Variants in DCAF8L2 observed in about 807,000 individuals in gnomAD.
DCAF8L2 encodes the protein DDB1- and CUL4-associated factor 8-like protein 2.
For synonymous variants in DCAF8L2, 200 were observed against 190.9 expected, an observed-to-expected ratio of 1.05 and a Z score of -0.39; for missense variants, 430 against 490.7, an observed-to-expected ratio of 0.88 and a Z score of 1.17.
the DCAF8L2 span, among the ~76,000 whole-genome samples, chrX:27,569,643 A>G: frequency 1.8e-5 from 2 of 112,054 alleles, no homozygotes; most frequent in African/African-American, 6.5e-5. Context: ...ATCTAATTTA[A>G]AATAATGTAG....
chrX:27,518,424 G>A, the DCAF8L2 span: 4 of 593,966 alleles, frequency 6.7e-6, no homozygotes, highest in Admixed American at 9.7e-5. Flanking sequence ...AGAAATATAT[G>A]GTGTCAACTA....
At chrX:27,566,768 G>C in the DCAF8L2 span, among the ~76,000 whole-genome samples, 2 of 109,049 alleles carry the variant, frequency 1.8e-5, no homozygotes, top group Middle Eastern at 4.8e-3. Flanking sequence ...GCTAACTTTG[G>C]ACTTAGGTTG....
At chrX:27,586,564 C>T (rs892766116), upstream of DCAF8L2, among the ~76,000 whole-genome samples, 2 of 111,374 alleles carry the variant, frequency 1.8e-5, no homozygotes, top group African/African-American at 6.5e-5. Flanking sequence ...ATTCTCACAT[C>T]CTGGCTCACT....
chrX:27,571,018 C>G, the DCAF8L2 span, among the ~76,000 whole-genome samples: 2 of 111,783 alleles, frequency 1.8e-5, no homozygotes, highest in African/African-American at 6.5e-5. Context: ...GCTCCTACCT[C>G]TCTCTTATCC....
At chrX:27,677,941 G>C (rs1930196880) in intron 3 of DCAF8L2, 29 bp downstream of exon 3, 1 of 111,774 alleles carries the variant, frequency 8.9e-6, no homozygotes, top group Admixed American at 9.5e-5. Flanking sequence ...AAATCTGTTA[G>C]GAGGTTGTTA....
chrX:27,548,965 A>T, the DCAF8L2 span, among the ~76,000 whole-genome samples: 2 of 111,440 alleles, frequency 1.8e-5, no homozygotes, highest in Non-Finnish European at 3.8e-5. Flanking sequence ...TATTTCTTTT[A>T]CACTATATAT....
intron 1 of DCAF8L2, among the ~76,000 whole-genome samples, chrX:27,594,667 T>C (rs1416030791): frequency 8.9e-6 from 1 of 111,852 alleles, no homozygotes; most frequent in Non-Finnish European, 1.9e-5. Flanking sequence ...TAATATTTGC[T>C]AAAAAATTTC....
chrX:27,647,217 T>C lies in DCAF8L2; in HGVS notation c.-220+15217T>C, dbSNP rs188858496. On this transcript the variant is annotated intron_variant, in intron 2 of 4. Transcript: ENST00000451261. Reference sequence around the variant, plus strand: ...AATGTGCTACATATACACCATGGAGTACTATGCAGCCATAAAAGGAATGAA... The same window carrying C: ...AATGTGCTACATATACACCATGGAGCACTATGCAGCCATAAAAGGAATGAA... Among the ~76,000 whole-genome samples, 12 of 111,445 alleles carry C rather than the reference T, an allele frequency of 1.1e-4. No homozygotes were observed. In the East Asian group the frequency reaches 3.4e-3, roughly 32 times the overall value.
rs747658080 is a variant in DCAF8L2, at chrX:27,719,784, T to A, written c.-59+3613T>A. The stretch of plus-strand genomic sequence containing the variant: ...CTTGATAGTGAATTAAATTTGTTCT[T>A]TATATTTTTTGGATACATGGCCTTT... On this transcript the variant is annotated intron_variant, in intron 4 of 4. Transcript: ENST00000451261. Among the ~76,000 whole-genome samples the A allele has an allele frequency of 3.6e-5, 4 of 111,911 alleles. No homozygotes were observed. In the South Asian group the frequency reaches 1.5e-3, roughly 41 times the overall value.
chrX:27,619,670 A>G (rs1256454346), intron 1 of DCAF8L2, among the ~76,000 whole-genome samples: 1 of 111,794 alleles, frequency 8.9e-6, no homozygotes, highest in Non-Finnish European at 1.9e-5. Context: ...GTTATCTACA[A>G]AATGGCAGCT....
chrX:27,486,074 C>T, the DCAF8L2 span, among the ~76,000 whole-genome samples: 5 of 106,609 alleles, frequency 4.7e-5, no homozygotes, highest in East Asian at 8.9e-4. Flanking sequence ...GGCACCATCT[C>T]GGCTCACTGC....
chrX:27,709,645 T>G (rs941058905), intron 3 of DCAF8L2, among the ~76,000 whole-genome samples: 1 of 111,809 alleles, frequency 8.9e-6, no homozygotes, highest in East Asian at 2.8e-4. Flanking sequence ...TAGCAAATCT[T>G]AATTCCATCT....
intron 1 of DCAF8L2, among the ~76,000 whole-genome samples, chrX:27,608,164 G>A (rs1926994636): frequency 9.0e-6 from 1 of 111,401 alleles, no homozygotes; most frequent in Non-Finnish European, 1.9e-5. Context: ...AGTAACAAGA[G>A]TGCTAACATA....
the DCAF8L2 span, among the ~76,000 whole-genome samples, chrX:27,476,058 T>A: frequency 1.8e-5 from 2 of 111,096 alleles, no homozygotes; most frequent in African/African-American, 6.5e-5. Context: ...AAGTTGTGAC[T>A]TGAAGCATAA....
chrX:27,517,131 A>G, the DCAF8L2 span, among the ~76,000 whole-genome samples: 10 of 111,978 alleles, frequency 8.9e-5, no homozygotes, highest in Non-Finnish European at 1.7e-4. Context: ...CCAATTAGGT[A>G]ATTAAATTTG....
At chrX:27,502,372 ATATATT>A in the DCAF8L2 span, among the ~76,000 whole-genome samples, 2 of 75,332 alleles carry the variant, frequency 2.7e-5, no homozygotes, top group Non-Finnish European at 4.9e-5. Flanking sequence ...ATATATATAT[ATATATT>A]GGCTGTGCAT....
intron 1 of DCAF8L2, among the ~76,000 whole-genome samples, chrX:27,615,310 G>A (rs1032462645): frequency 6.3e-5 from 7 of 111,330 alleles, no homozygotes; most frequent in Non-Finnish European, 1.3e-4. Flanking sequence ...GAATGAACAC[G>A]TTTAAAGTTT....
chrX:27,531,948 C>T, the DCAF8L2 span, among the ~76,000 whole-genome samples: 2 of 111,223 alleles, frequency 1.8e-5, no homozygotes, highest in Non-Finnish European at 3.8e-5. Context: ...AGCTTTGAAC[C>T]TTGCTAAAAT....
At chrX:27,706,152 T>C (rs1602756699) in intron 3 of DCAF8L2, among the ~76,000 whole-genome samples, 1 of 111,173 alleles carries the variant, frequency 9.0e-6, no homozygotes, top group East Asian at 2.8e-4. Context: ...CATTGGTCTA[T>C]TTGCCTGTTT....
Sources: allele counts gnomAD v4.1 joint callset (sites outside exome capture counted in the v4.1 genomes callset), GRCh38; gene constraint gnomAD v4.1.1; transcripts MANE v1.5; gene names NCBI Gene and HGNC (gene_info 2026-07-23, HGNC 2026-07-21).